Variants in DCXR observed in about 807,000 individuals in gnomAD.
DCXR encodes the protein L-xylulose reductase.
Under a neutral mutation model 25.9 loss-of-function variants are expected in DCXR, and 24 were observed. The ratio of observed to expected loss-of-function variants is 0.93; its 90% CI spans 0.67 to 1.30. The LOEUF (loss-of-function observed/expected upper bound fraction) is 1.30, where lower values mean the gene tolerates loss of function less well. Ranked by LOEUF, DCXR falls within the 50% of genes most tolerant of loss-of-function variation. The pLI, the probability that DCXR is intolerant of heterozygous loss-of-function variation, is 0.00. For synonymous variants in DCXR, 161 were observed against 141.7 expected (o/e 1.14, Z -0.97); for missense variants, 348 against 333.7 (o/e 1.04, Z -0.33).
Position 82,037,590 on chromosome 17 carries a change from T to G in DCXR, c.52+41A>C, listed in dbSNP as rs116228945. ...AGTGAAGGCGTCCCCTGCCCGCCTC[T>G]GCCCGCCGCCGGCCTTTGCCCACCT... On this transcript the variant is annotated intron_variant, in intron 1 of 7. Transcript: ENST00000306869. The G allele has an allele frequency of 7.2e-3, 11,151 of 1,554,392 alleles. 693 individuals carry two copies. The African/African-American group carries it at 0.14, about 19-fold the overall frequency.
chr17:82,037,019 TG>T lies in DCXR; in HGVS notation c.151-7del. On this transcript the variant is annotated splice_polypyrimidine_tract_variant and splice_region_variant and intron_variant, in intron 2 of 7. Transcript: ENST00000306869. ...ACGGGTTCTATCCCCGGGCACTGTGTGTATCAGGGGGCAGTTACCAGAGGCT... is the reference window on the plus strand; with the variant it reads ...ACGGGTTCTATCCCCGGGCACTGTGTTATCAGGGGGCAGTTACCAGAGGCT... The T allele has an allele frequency of 6.4e-7, 1 of 1,555,100 alleles. No homozygotes were observed. The highest frequency in any genetic ancestry group is 2.4e-5 in the East Asian group (1 of 41,068).
intron 3 of DCXR, 32 bp from the exon 4 acceptor site, chr17:82,036,795 A>G (rs1274865183): frequency 7.4e-6 from 12 of 1,613,336 alleles, no homozygotes; most frequent in Non-Finnish European, 1.0e-5. Flanking sequence ...CTGGTCAGAG[A>G]TTAGGGCTGC....
rs1349537933 is a variant in DCXR, at chr17:82,036,083, CA to C, written c.632-21del. On this transcript the variant is annotated intron_variant, in intron 7 of 7. Coordinates refer to ENST00000306869, the MANE Select transcript of DCXR (RefSeq NM_016286.4). ...CTACCTCTGTGGGCAGGGCGGGGGT[CA>C]GGGGCATAGAGGAAGGAGGCTGCCG... The C allele has an allele frequency of 3.1e-6, 5 of 1,611,510 alleles. No homozygotes were observed. The highest frequency in any genetic ancestry group is 2.2e-5 in the East Asian group (1 of 44,878).
In DCXR at chr17:82,036,769, G is replaced by A. The variant is rs373494830; in HGVS notation, c.306-6C>T. On this transcript the variant is annotated splice_region_variant and splice_polypyrimidine_tract_variant and intron_variant, in intron 3 of 7. Transcript: ENST00000306869. Reference sequence around the variant, plus strand: ...GCAGGTTCACCTCAAAGGATCTAGAGGCCGAGGGACAGACCCTGGTCAGAG... The same window carrying A: ...GCAGGTTCACCTCAAAGGATCTAGAAGCCGAGGGACAGACCCTGGTCAGAG... The A allele has an allele frequency of 8.7e-6, 14 of 1,613,618 alleles. No individual in the cohort carries two copies. The highest frequency in any genetic ancestry group is 8.0e-5 in the African/African-American group (6 of 75,044).
In DCXR at chr17:82,035,914, G is replaced by T. The variant is rs762256289; in HGVS notation, c.*46C>A. 10 of 1,509,290 alleles carry T rather than the reference G, an allele frequency of 6.6e-6. No homozygotes were observed. Among genetic ancestry groups the T allele is most frequent in the Non-Finnish European group, 9.2e-6 (10 of 1,089,346 alleles). The allele number at this position is 1,509,290 out of a possible 1,614,324, so 93.5% of individuals were successfully genotyped here. ...AGAATCAGGTTTATTGGAGGGATTGGGGGTAGGATGAGCACGGCATGGGGC... is the reference window on the plus strand; with the variant it reads ...AGAATCAGGTTTATTGGAGGGATTGTGGGTAGGATGAGCACGGCATGGGGC... On this transcript the variant is annotated 3_prime_UTR_variant, in exon 8 of 8. Transcript: ENST00000306869.
In DCXR at chr17:82,036,982, A is replaced by G; in HGVS notation, c.182T>C (p.Leu61Pro). The change falls in exon 3 of 8, where the codon CTG becomes CCG. Residue 61 changes from leucine (L) to proline (P), a missense_variant. Transcript: ENST00000306869. Reference protein sequence around the residue: ...CPGIEPVCVDLGDWEATERAL... With the variant: ...CPGIEPVCVDPGDWEATERAL... ...CCGCTCGGTGGCCTCCCAGTCACCC[A>G]GGTCCACGCACACGGGTTCTATCCC... is the stretch of plus-strand genomic sequence containing the variant. 1 of 1,581,264 alleles carries G rather than the reference A, an allele frequency of 6.3e-7. No homozygotes were observed. The highest frequency in any genetic ancestry group is 8.6e-7 in the Non-Finnish European group (1 of 1,164,512).
rs530648875 is a variant in DCXR at position 82,037,119 on chromosome 17, G to T, written c.151-106C>A. On this transcript the variant is annotated intron_variant, in intron 2 of 7. Transcript: ENST00000306869. ...AGCCGGACAAGTAAAGGAGTTAGGA[G>T]TTCCGAAGGTGTCGGGACTGTGGGG... 2,575 of 1,419,452 alleles carry T rather than the reference G, an allele frequency of 1.8e-3. 8 individuals are homozygous for T. The highest frequency in any genetic ancestry group is 0.012 in the Middle Eastern group (48 of 4,094). 87.9% of individuals were successfully genotyped at this position (1,419,452 alleles called of 1,614,324 possible). A position where few individuals can be genotyped will look rare whatever the true frequency, so the allele number is the denominator to read the frequency against.
Position 82,036,414 on chromosome 17 carries a change from C to T in DCXR, c.483G>A (p.Lys161=), listed in dbSNP as rs770569294. ...STKGALDMLT[K]VMALELGPHK... is the part of the protein sequence containing the mutation. ...GGGGCCCGAGCTCTAGGGCCATCAC[C>T]TTGGTCAGCATGTCCAGGGCACCCT... is the stretch of plus-strand genomic sequence containing the variant. Residue 161 remains lysine, a synonymous_variant, in exon 6 of 8, where the codon AAG becomes AAA. Coordinates refer to ENST00000306869, the MANE Select transcript of DCXR (RefSeq NM_016286.4). 2 of 1,613,406 alleles carry T rather than the reference C, an allele frequency of 1.2e-6. No individual in the cohort carries two copies. The highest frequency in any genetic ancestry group is 2.7e-5 in the African/African-American group (2 of 74,910).
In DCXR at chr17:82,035,908, G is replaced by A. The variant is rs749263479; in HGVS notation, c.*52C>T. On this transcript the variant is annotated 3_prime_UTR_variant, in exon 8 of 8. Coordinates refer to ENST00000306869, the MANE Select transcript of DCXR (RefSeq NM_016286.4). ...GGCAGCAGAATCAGGTTTATTGGAG[G>A]GATTGGGGGTAGGATGAGCACGGCA... 1.2e-5 allele frequency: 18 copies of A among 1,479,432 alleles called. No homozygotes were observed. Among genetic ancestry groups the A allele is most frequent in the Non-Finnish European group, 1.4e-5 (15 of 1,063,272 alleles). The allele number at this position is 1,479,432 out of a possible 1,614,324, so 91.6% of individuals were successfully genotyped here.
chr17:82,037,598 G>A (rs113116886), intron 1 of DCXR, 33 bp downstream of exon 1: 5 of 1,554,792 alleles, frequency 3.2e-6, no homozygotes, highest in Admixed American at 1.8e-5. Flanking sequence ...TCTGCCCGCC[G>A]CCGGCCTTTG....
chr17:82,037,541 C>T lies in DCXR; in HGVS notation c.59G>A (p.Gly20Glu), dbSNP rs1314470870. The T allele has an allele frequency of 6.5e-7, 1 of 1,544,574 alleles. No homozygotes were observed. Residue 20 changes from glycine to glutamate, a missense_variant, in exon 2 of 8, where the codon GGG becomes GAG. Gly to Glu is a moderately conservative substitution (Grantham distance 98, BLOSUM62 -2). Transcript: ENST00000306869. ...GTGCAGCGCCTGGACCGTGCCGCGC[C>T]CTATACCTGCCGGGAGCGGGCTCAG... Reference protein sequence around the residue: ...VLVTGAGKGIGRGTVQALHAT... With the variant: ...VLVTGAGKGIERGTVQALHAT...
At position 82,036,469 on chromosome 17, in the gene DCXR, T is replaced by C. The variant is rs533137522; in HGVS notation, c.449-21A>G. On this transcript the variant is annotated intron_variant, in intron 5 of 7. Transcript: ENST00000306869. ...GGAGCCTACGAAGAGGAACCCAAGC[T>C]GGCTGGGGCTGGGGTCGGTGATGAG... 6.2e-6 allele frequency: 10 copies of C among 1,612,742 alleles called. No homozygotes were observed. In the Admixed American group the frequency reaches 8.3e-5, roughly 13 times the overall value.
chr17:82,037,124 G>C, intron 2 of DCXR, 111 bp from the exon 3 acceptor site: 1 of 1,396,086 alleles, frequency 7.2e-7, no homozygotes, highest in Non-Finnish European at 9.8e-7. Flanking sequence ...TAGGAGTTCC[G>C]AAGGTGTCGG....
chr17:82,037,188 C>T (rs749175366), intron 2 of DCXR, 175 bp from the exon 3 acceptor site: 16 of 900,708 alleles, frequency 1.8e-5, no homozygotes, highest in African/African-American at 3.3e-5. Flanking sequence ...TTCCTCCCTG[C>T]GCCCGAGCGA....
rs1127822 is a variant in DCXR at position 82,036,031 on chromosome 17, G to A, written c.664C>T (p.Leu222=). The A allele has an allele frequency of 1.9e-6, 3 of 1,613,364 alleles. No individual in the cohort carries two copies. Among genetic ancestry groups the A allele is most frequent in the African/African-American group, 1.3e-5 (1 of 75,046 alleles). The change falls in exon 8 of 8, where the codon CTG becomes TTG. Residue 222 remains leucine (L), a synonymous_variant. Transcript: ENST00000306869. ...VEHVVNAILF[L]LSDRSGMTTG... ...GTCATGCCACTTCGGTCACTCAGCAGAAAGAGGATGGCGTTCACCACGTGC... is the reference window on the plus strand; with the variant it reads ...GTCATGCCACTTCGGTCACTCAGCAAAAAGAGGATGGCGTTCACCACGTGC...
rs200246714 is a variant in DCXR, at chr17:82,036,697, C to T, written c.348+24G>A. The T allele has an allele frequency of 2.6e-5, 42 of 1,613,496 alleles. No individual in the cohort carries two copies. In the East Asian group the frequency reaches 4.7e-4, roughly 18 times the overall value. ...AGCTGGCATCACTCACGAGAATTCCCGTCCAGCCCACAGGGCAGCTCACCT... is the reference window on the plus strand; with the variant it reads ...AGCTGGCATCACTCACGAGAATTCCTGTCCAGCCCACAGGGCAGCTCACCT... On this transcript the variant is annotated intron_variant, in intron 4 of 7. Coordinates refer to ENST00000306869, the MANE Select transcript of DCXR (RefSeq NM_016286.4).
Position 82,037,484 on chromosome 17 carries a change from C to A in DCXR, c.116G>T (p.Arg39Leu). The A allele has an allele frequency of 6.5e-7, 1 of 1,536,588 alleles. No homozygotes were observed. Among genetic ancestry groups the A allele is most frequent in the Non-Finnish European group, 8.7e-7 (1 of 1,148,534 alleles). ...AAGGCTGTCAAGATCCGCCTGAGTC[C>A]GGCTCACAGCCACCACCCGCGCGCC... ...ATGARVVAVS[R>L]TQADLDSLVR... The change falls in exon 2 of 8, where the codon CGG becomes CTG. Residue 39 changes from arginine (R) to leucine (L), a missense_variant. Arg to Leu is a moderately radical substitution (Grantham distance 102). Coordinates refer to ENST00000306869, the MANE Select transcript of DCXR (RefSeq NM_016286.4).
chr17:82,035,882 G>A lies in DCXR; in HGVS notation c.*78C>T. The A allele has an allele frequency of 7.6e-7, 1 of 1,308,226 alleles. No homozygotes were observed. The highest frequency in any genetic ancestry group is 1.1e-6 in the Non-Finnish European group (1 of 917,092). 81.0% of individuals were successfully genotyped at this position (1,308,226 alleles called of 1,614,324 possible). A position where few individuals can be genotyped will look rare whatever the true frequency, so the allele number is the denominator to read the frequency against. Reference sequence around the variant, plus strand: ...GCAGCCTAGGAATAGCACATAGTCTGGGCAGCAGAATCAGGTTTATTGGAG... The same window carrying A: ...GCAGCCTAGGAATAGCACATAGTCTAGGCAGCAGAATCAGGTTTATTGGAG... On this transcript the variant is annotated 3_prime_UTR_variant, in exon 8 of 8. Transcript: ENST00000306869.
intron 2 of DCXR, 114 bp from the exon 3 acceptor site, chr17:82,037,127 G>A: frequency 2.9e-6 from 4 of 1,378,164 alleles, no homozygotes; most frequent in Middle Eastern, 2.5e-4. Flanking sequence ...GAGTTCCGAA[G>A]GTGTCGGGAC....
Sources: gnomAD v4.1 joint callset for allele counts on GRCh38, gnomAD v4.1.1 for gene constraint, MANE v1.5 for transcripts, NCBI Gene and HGNC (gene_info 2026-07-23, HGNC 2026-07-21) for gene names.